Variants in GLB1L2 observed in about 807,000 individuals in gnomAD.
GLB1L2 encodes galactosidase beta 1 like 2, also known as beta-galactosidase-1-like protein 2.
In GLB1L2, 68 loss-of-function variants were observed where a neutral mutation model predicts 84.1. The ratio of observed to expected loss-of-function variants is 0.81; its 90% CI spans 0.67 to 0.99. The LOEUF (loss-of-function observed/expected upper bound fraction) is 0.99, where lower values mean the gene tolerates loss of function less well. GLB1L2 is among the 50% of genes least tolerant of loss of function. The pLI is 0.00. For synonymous variants in GLB1L2, 290 were observed against 318.0 expected (o/e 0.91, Z 0.94); for missense variants, 762 against 805.6 (o/e 0.95, Z 0.66).
Position 134,339,406 on chromosome 11 carries a change from G to C in GLB1L2, c.87-3348G>C, listed in dbSNP as rs1943432711. On this transcript the variant is annotated intron_variant, in intron 1 of 18. Transcript: ENST00000535456. The surrounding 1 kb of genome is among the most constrained non-coding windows in gnomAD (Gnocchi z 5.7). ...ACTCGCATGGTCTCATTTACTAGCA[G>C]TGAATTCCTTGGAGAAACCCAACAC... 6.6e-6 allele frequency among the ~76,000 whole-genome samples: 1 copy of C among 152,116 alleles called. No individual in the cohort carries two copies. The highest frequency in any genetic ancestry group is 2.1e-4 in the South Asian group (1 of 4,828).
chr11:134,368,797 C>A lies in GLB1L2; in HGVS notation c.1027+16C>A. 6.2e-7 allele frequency: 1 copy of A among 1,612,604 alleles called. No homozygotes were observed. Among genetic ancestry groups the A allele is most frequent in the African/African-American group, 1.3e-5 (1 of 74,940 alleles). On this transcript the variant is annotated intron_variant, in intron 10 of 18. Coordinates refer to ENST00000535456, the MANE Select transcript of GLB1L2 (RefSeq NM_001370461.1). ...ACCAGCTATGGCAAGTATTCATCAGCACTGCTCTCCCTGGTCTGCCCTGCA... is the reference window on the plus strand; with the variant it reads ...ACCAGCTATGGCAAGTATTCATCAGAACTGCTCTCCCTGGTCTGCCCTGCA...
intron 4 of GLB1L2, among the ~76,000 whole-genome samples, 162 bp downstream of exon 4, chr11:134,345,291 C>A (rs117843478): frequency 6.6e-6 from 1 of 152,208 alleles, no homozygotes; most frequent in African/African-American, 2.4e-5. Context: ...CAGAGGGGAT[C>A]GCTTTCAGTG....
intron 8 of GLB1L2, among the ~76,000 whole-genome samples, chr11:134,366,012 A>G (rs1943863729): frequency 6.6e-6 from 1 of 152,246 alleles, no homozygotes; most frequent in Non-Finnish European, 1.5e-5. Context: ...TGAAGGAGAC[A>G]GCTATAGAGT....
At chr11:134,345,405 G>A (rs1002314865) in intron 4 of GLB1L2, among the ~76,000 whole-genome samples, 1 of 152,226 alleles carries the variant, frequency 6.6e-6, no homozygotes, top group Admixed American at 6.5e-5. Context: ...ACTCTGCTGT[G>A]GAGCTGTGAG....
At position 134,342,888 on chromosome 11, in the gene GLB1L2, CCAGGGAGT is replaced by C; in HGVS notation, c.222_229del (p.Arg75LeufsTer26). 1 of 1,614,062 alleles carries C rather than the reference CCAGGGAGT, an allele frequency of 6.2e-7. No homozygotes were observed. Among genetic ancestry groups the C allele is most frequent in the African/African-American group, 1.3e-5 (1 of 75,046 alleles). ...GGCTCCATCCACTATTTCCGTGTGC[CCAGGGAGT>C]ACTGGAGGGACCGCCTGCTGAAGAT... On this transcript the variant is annotated frameshift_variant, in exon 2 of 19. Coordinates refer to ENST00000535456, the MANE Select transcript of GLB1L2 (RefSeq NM_001370461.1). LOFTEE classifies it high-confidence loss of function.
At chr11:134,371,677 C>T in intron 14 of GLB1L2, 75 bp from the exon 15 acceptor site, 1 of 1,442,204 alleles carries the variant, frequency 6.9e-7, no homozygotes, top group Non-Finnish European at 9.7e-7. Flanking sequence ...TAGGGAAGAA[C>T]TGGGGTCCAC....
rs1481746704 is a variant in GLB1L2 at position 134,347,373 on chromosome 11, C to T, written c.498C>T (p.Gly166=). Residue 166 remains glycine, a synonymous_variant, in exon 5 of 19, where the codon GGC becomes GGT. Transcript: ENST00000535456. ...TGAGGCTGAGGACAACTTACAAGGG[C>T]TTCACCGAAGCAGTGGACCTTTATT... ...PGMRLRTTYK[G]FTEAVDLYFD... is the part of the protein sequence containing the mutation. 8 of 1,614,210 alleles carry T rather than the reference C, an allele frequency of 5.0e-6. No homozygotes were observed. Among genetic ancestry groups the T allele is most frequent in the Middle Eastern group, 1.6e-4 (1 of 6,062 alleles).
chr11:134,368,026 C>G (rs1050525897), intron 9 of GLB1L2, among the ~76,000 whole-genome samples: 1 of 151,970 alleles, frequency 6.6e-6, no homozygotes, highest in African/African-American at 2.4e-5. Flanking sequence ...CCCCTCAGCC[C>G]CCGGAAAGAC....
At chr11:134,373,926 G>A (rs1168465960) in intron 16 of GLB1L2, 118 bp downstream of exon 16, 1 of 823,444 alleles carries the variant, frequency 1.2e-6, no homozygotes, top group East Asian at 2.4e-5. Flanking sequence ...GCCTCCAGGG[G>A]CCAGATCGGC....
At chr11:134,373,497 G>A (rs1273148661) in intron 15 of GLB1L2, among the ~76,000 whole-genome samples, 1 of 152,140 alleles carries the variant, frequency 6.6e-6, no homozygotes, top group East Asian at 1.9e-4. Flanking sequence ...AAATCTTAGG[G>A]TCTTCCTCCT....
Position 134,367,315 on chromosome 11 carries a change from G to A in GLB1L2, c.863G>A (p.Gly288Asp). 6.2e-7 allele frequency: 1 copy of A among 1,614,106 alleles called. No individual in the cohort carries two copies. Among genetic ancestry groups the A allele is most frequent in the Admixed American group, 1.7e-5 (1 of 60,020 alleles). Residue 288 changes from glycine (G) to aspartate (D), a missense_variant, in exon 9 of 19, where the codon GGC (glycine) becomes GAC (aspartate). Gly to Asp is a moderately conservative substitution (Grantham distance 94). Coordinates refer to ENST00000535456, the MANE Select transcript of GLB1L2 (RefSeq NM_001370461.1). Reference protein sequence around the residue: ...YWTGWFDSWGGPHNILDSSEV... With the variant: ...YWTGWFDSWGDPHNILDSSEV... ...ACGGGGTGGTTTGACTCGTGGGGAGGCCCTCACAATATCTTGGATTCTTCT... is the reference window on the plus strand; with the variant it reads ...ACGGGGTGGTTTGACTCGTGGGGAGACCCTCACAATATCTTGGATTCTTCT...
chr11:134,347,422 G>C lies in GLB1L2; in HGVS notation c.547G>C (p.Val183Leu). ...TTTTGACCACCTGATGTCCAGGGTGGTGCCACTCCAGGTACAAGCAAATGG... is the reference window on the plus strand; with the variant it reads ...TTTTGACCACCTGATGTCCAGGGTGCTGCCACTCCAGGTACAAGCAAATGG... The part of the protein sequence containing the change: ...LYFDHLMSRV[V>L]PLQYKRGGPI... The change falls in exon 5 of 19, where the codon GTG becomes CTG. Residue 183 changes from valine (V) to leucine (L), a missense_variant. This residue lies in a region of GLB1L2 where 603 missense variants were observed against 611.7 expected (regional missense o/e 0.99). Coordinates refer to ENST00000535456, the MANE Select transcript of GLB1L2 (RefSeq NM_001370461.1). 6.2e-7 allele frequency: 1 copy of C among 1,612,110 alleles called. No individual in the cohort carries two copies.
rs1418181975 is a variant in GLB1L2 at position 134,339,273 on chromosome 11, T to C, written c.87-3481T>C. Among the ~76,000 whole-genome samples the C allele has an allele frequency of 6.6e-6, 1 of 152,202 alleles. No individual in the cohort carries two copies. The highest frequency in any genetic ancestry group is 2.4e-5 in the African/African-American group (1 of 41,460). ...TTCCTTTATTTTATTATTACTGAGT[T>C]ACTCAGGAAATTATGGGGTTATTCT... On this transcript the variant is annotated intron_variant, in intron 1 of 18. Coordinates refer to ENST00000535456, the MANE Select transcript of GLB1L2 (RefSeq NM_001370461.1). The surrounding 1 kb of genome is among the most constrained non-coding windows in gnomAD (Gnocchi z 5.7).
rs545199177 is a variant in GLB1L2, at chr11:134,374,038, G to A, written c.1596-107G>A. 6.3e-5 allele frequency: 53 copies of A among 842,046 alleles called. No homozygotes were observed. In the African/African-American group the frequency reaches 8.0e-4, roughly 13 times the overall value. 52.2% of individuals were successfully genotyped at this position (842,046 alleles called of 1,614,324 possible). A position where few individuals can be genotyped will look rare whatever the true frequency, so the allele number is the denominator to read the frequency against. ...CCATTCTGTGTCCTGGTTAAGAGGC[G>A]GGGGGCCTTGGATGGGGAAACGGTG... On this transcript the variant is annotated intron_variant, in intron 16 of 18. Transcript: ENST00000535456.
chr11:134,332,496 C>G (rs1487608789), intron 1 of GLB1L2, among the ~76,000 whole-genome samples: 2 of 152,124 alleles, frequency 1.3e-5, no homozygotes, highest in South Asian at 4.1e-4. Flanking sequence ...ATCGCGGCCC[C>G]GTCCCCACTG....
In GLB1L2 at chr11:134,370,848, C is replaced by T. The variant is rs967992916; in HGVS notation, c.1216-160C>T. 2.0e-5 allele frequency among the ~76,000 whole-genome samples: 3 copies of T among 152,132 alleles called. No individual in the cohort carries two copies. Among genetic ancestry groups the T allele is most frequent in the African/African-American group, 7.2e-5 (3 of 41,426 alleles). ...ACCCCTTTGCCCCACTCCTCTTCCCCGTCACCCTGGAGAGTTGTATGTTTA... is the reference window on the plus strand; with the variant it reads ...ACCCCTTTGCCCCACTCCTCTTCCCTGTCACCCTGGAGAGTTGTATGTTTA... On this transcript the variant is annotated intron_variant, in intron 12 of 18. Coordinates refer to ENST00000535456, the MANE Select transcript of GLB1L2 (RefSeq NM_001370461.1). This position sits in a 1 kb window ranked among gnomAD's most constrained non-coding sequence, Gnocchi z 4.7.
intron 6 of GLB1L2, among the ~76,000 whole-genome samples, chr11:134,358,550 G>A (rs561998480): frequency 2.0e-5 from 3 of 152,380 alleles, no homozygotes; most frequent in Admixed American, 6.5e-5. Context: ...GCAGTGCACC[G>A]TGGGCACGTG....
At chr11:134,332,858 C>A (rs1943323901) in intron 1 of GLB1L2, among the ~76,000 whole-genome samples, 1 of 152,196 alleles carries the variant, frequency 6.6e-6, no homozygotes, top group Non-Finnish European at 1.5e-5. Flanking sequence ...TGCCCTAGCC[C>A]AGCATTTTTC....
At position 134,370,311 on chromosome 11, in the gene GLB1L2, C is replaced by G. The variant is rs759013853; in HGVS notation, c.1127C>G (p.Pro376Arg). 14 of 1,613,756 alleles carry G rather than the reference C, an allele frequency of 8.7e-6. No homozygotes were observed. In the East Asian group the frequency reaches 1.3e-4, roughly 15 times the overall value. The change falls in exon 12 of 19, where the codon CCA (proline) becomes CGA (arginine). Residue 376 changes from proline (P) to arginine (R), a missense_variant. Physicochemically the swap from Pro to Arg is moderately radical, Grantham distance 103. Coordinates refer to ENST00000535456, the MANE Select transcript of GLB1L2 (RefSeq NM_001370461.1). The surrounding 1 kb of genome is among the most constrained non-coding windows in gnomAD (Gnocchi z 4.7). ...GSISGIPLPP[P>R]PDLLPKMPYE... ...GTTGCAGGCATCCCTCTCCCTCCCC[C>G]ACCTGACCTTCTTCCCAAGATGCCG...
Sources: gnomAD v4.1 joint callset for allele counts (sites outside exome capture counted in the v4.1 genomes callset) on GRCh38, gnomAD v4.1.1 for gene constraint, gnomAD v4.1.1 regional missense constraint, Gnocchi (gnomAD v3.1) non-coding constraint, MANE v1.5 for transcripts, NCBI Gene and HGNC (gene_info 2026-07-23, HGNC 2026-07-21) for gene names.